TMEM132B: variants seen among roughly 807,000 people sequenced by gnomAD.
TMEM132B encodes the protein transmembrane protein 132B.
Under a neutral mutation model 90.8 loss-of-function variants are expected in TMEM132B, and 18 were observed. The observed-to-expected ratio is 0.20, with a 90% CI of 0.14 to 0.29. The LOEUF (loss-of-function observed/expected upper bound fraction) is 0.29, where lower values mean the gene tolerates loss of function less well. TMEM132B is among the 10% of genes least tolerant of loss of function. TMEM132B has a pLI of 1.00. For missense variants in TMEM132B, 1,096 were observed against 1,326.8 expected, an observed-to-expected ratio of 0.83 and a Z score of 2.70; for synonymous variants, 504 against 523.3, an observed-to-expected ratio of 0.96 and a Z score of 0.50.
chr12:125,455,020 TAAA>T (rs1335788786), intron 3 of TMEM132B, among the ~76,000 whole-genome samples: 2 of 152,170 alleles, frequency 1.3e-5, no homozygotes, highest in Non-Finnish European at 2.9e-5. Context: ...CTCTATGTCT[TAAA>T]AGAAGAAATA....
intron 4 of TMEM132B, among the ~76,000 whole-genome samples, chr12:125,522,417 A>T (rs1242762898): frequency 6.6e-6 from 1 of 152,210 alleles, no homozygotes; most frequent in Non-Finnish European, 1.5e-5. Context: ...AGAGTATAGG[A>T]ATGGCAGATA....
At chr12:125,409,461 G>A (rs901922034) in intron 2 of TMEM132B, among the ~76,000 whole-genome samples, 7 of 152,278 alleles carry the variant, frequency 4.6e-5, no homozygotes. Context: ...CTGATTGAGG[G>A]GGGGCAACAC....
intron 3 of TMEM132B, among the ~76,000 whole-genome samples, chr12:125,441,107 A>G (rs1189017644): frequency 2.0e-5 from 3 of 152,226 alleles, no homozygotes; most frequent in African/African-American, 7.2e-5. Context: ...ACCTTAAGAT[A>G]GGGAGAATTT....
intron 4 of TMEM132B, among the ~76,000 whole-genome samples, chr12:125,574,166 GTT>G (rs144941636): frequency 6.9e-6 from 1 of 145,980 alleles, no homozygotes; most frequent in Admixed American, 6.8e-5. Context: ...TGAGCAGTCA[GTT>G]TTTTTTTTTT....
intron 3 of TMEM132B, among the ~76,000 whole-genome samples, chr12:125,440,061 T>G (rs2136425807): frequency 6.6e-6 from 1 of 152,356 alleles, no homozygotes; most frequent in East Asian, 1.9e-4. Context: ...GCTGCTGGAT[T>G]CAGTTTGCAA....
intron 3 of TMEM132B, among the ~76,000 whole-genome samples, chr12:125,435,186 G>T (rs1459037662): frequency 6.6e-6 from 1 of 152,174 alleles, no homozygotes; most frequent in Non-Finnish European, 1.5e-5. Context: ...ATGTGTGACC[G>T]TGAAACCCCC....
At chr12:125,317,794 G>A (rs565028020) in intron 1 of TMEM132B, among the ~76,000 whole-genome samples, 2 of 152,238 alleles carry the variant, frequency 1.3e-5, no homozygotes, top group South Asian at 4.2e-4. Flanking sequence ...AGCTCTCAGT[G>A]GTTCTCTTCA....
At chr12:125,208,326 AAAGT>A (rs1873230971) in intron 1 of TMEM132B, among the ~76,000 whole-genome samples, 1 of 152,236 alleles carries the variant, frequency 6.6e-6, no homozygotes, top group African/African-American at 2.4e-5. Flanking sequence ...CAACCATTTC[AAAGT>A]GTACATTCAA....
chr12:125,544,785 G>A (rs1195839875), intron 4 of TMEM132B, among the ~76,000 whole-genome samples: 1 of 152,228 alleles, frequency 6.6e-6, no homozygotes, highest in African/African-American at 2.4e-5. Context: ...GGTATAGGGT[G>A]TGGGCAGATT....
intron 1 of TMEM132B, among the ~76,000 whole-genome samples, chr12:125,284,175 A>G (rs1378533300): frequency 6.6e-6 from 1 of 152,104 alleles, no homozygotes; most frequent in Non-Finnish European, 1.5e-5. Flanking sequence ...TTCTGCATAG[A>G]TGTACATGTA....
intron 1 of TMEM132B, among the ~76,000 whole-genome samples, chr12:125,326,901 G>T (rs533921310): frequency 1.3e-5 from 2 of 152,078 alleles, no homozygotes; most frequent in Non-Finnish European, 2.9e-5. Context: ...ATTGCCACAT[G>T]CAGGGGCCAC....
intron 1 of TMEM132B, among the ~76,000 whole-genome samples, chr12:125,305,209 C>T (rs56736749): frequency 0.17 from 26,289 of 151,300 alleles, 2,302 homozygotes; most frequent in Non-Finnish European, 0.19. Flanking sequence ...CAGACGTGGG[C>T]GACAGTTTAG....
At chr12:125,278,228 C>T (rs537179767) in intron 1 of TMEM132B, among the ~76,000 whole-genome samples, 4 of 152,304 alleles carry the variant, frequency 2.6e-5, no homozygotes, top group East Asian at 1.9e-4. Flanking sequence ...CGGTTGCTTT[C>T]GCACCGTAAC....
intron 4 of TMEM132B, among the ~76,000 whole-genome samples, chr12:125,542,479 C>T (rs1400435080): frequency 5.3e-5 from 8 of 152,176 alleles, no homozygotes; most frequent in Admixed American, 2.0e-4. Context: ...AACTGTGTAC[C>T]CATTCAACAC....
intron 3 of TMEM132B, among the ~76,000 whole-genome samples, chr12:125,477,478 T>G (rs2136516380): frequency 6.6e-6 from 1 of 152,156 alleles, no homozygotes; most frequent in Non-Finnish European, 1.5e-5. Context: ...CTTCAACAGA[T>G]TTTGCTTTCT....
chr12:125,422,228 C>T (rs1880189058), intron 3 of TMEM132B, among the ~76,000 whole-genome samples: 1 of 152,160 alleles, frequency 6.6e-6, no homozygotes. Context: ...ATTATTATTC[C>T]CATTTAACAG....
chr12:125,556,714 C>A (rs573525630), intron 4 of TMEM132B, among the ~76,000 whole-genome samples: 1 of 152,282 alleles, frequency 6.6e-6, no homozygotes, highest in East Asian at 1.9e-4. Context: ...ATATGTGTAG[C>A]CTCATGATAA....
At chr12:125,645,495 T>G (rs1340055210) in intron 6 of TMEM132B, among the ~76,000 whole-genome samples, 1 of 152,178 alleles carries the variant, frequency 6.6e-6, no homozygotes. Flanking sequence ...GAAGGTGGAT[T>G]GAGCCACTTG....
chr12:125,201,694 C>A (rs1873066460), intron 1 of TMEM132B, among the ~76,000 whole-genome samples: 1 of 152,228 alleles, frequency 6.6e-6, no homozygotes, highest in African/African-American at 2.4e-5. Flanking sequence ...GCATTTTCAT[C>A]TGTGAATGGG....
Sources: allele counts gnomAD v4.1 joint callset (sites outside exome capture counted in the v4.1 genomes callset), GRCh38; gene constraint gnomAD v4.1.1; transcripts MANE v1.5; gene names NCBI Gene and HGNC (gene_info 2026-07-23, HGNC 2026-07-21).